Variants in LMF1 observed in about 807,000 individuals in gnomAD.
LMF1 encodes the protein transmembrane protein 112.
A neutral mutation model predicts 60.6 loss-of-function variants in LMF1; 68 were observed. The observed-to-expected ratio is 1.12, with a 90% confidence interval of 0.92 to 1.37. LMF1 has a LOEUF of 1.37. Among genes scored for constraint, LMF1 ranks in the 40% most tolerant of loss-of-function variants. The pLI, the probability that LMF1 is intolerant of heterozygous loss-of-function variation, is 0.00. For synonymous variants in LMF1, 418 were observed against 324.7 expected (o/e 1.29, Z -3.09); for missense variants, 948 against 767.2 (o/e 1.24, Z -2.78).
chr16:932,523 C>A (rs530030653), intron 3 of LMF1, among the ~76,000 whole-genome samples: 1 of 152,184 alleles, frequency 6.6e-6, no homozygotes, highest in Non-Finnish European at 1.5e-5. Flanking sequence ...GGTGTCAGGA[C>A]CTAAAGCTTT....
rs1350258084 is a variant in LMF1 at position 897,847 on chromosome 16, C to T, written c.664-4775G>A. 2.0e-5 allele frequency among the ~76,000 whole-genome samples: 3 copies of T among 152,224 alleles called. No homozygotes were observed. The highest frequency in any genetic ancestry group is 4.1e-4 in the South Asian group (2 of 4,832). On this transcript the variant is annotated intron_variant, in intron 4 of 10. Coordinates refer to ENST00000262301, the MANE Select transcript of LMF1 (RefSeq NM_022773.4). This position sits in a 1 kb window ranked among gnomAD's most constrained non-coding sequence, Gnocchi z 4.3. ...CTTTCCTGTCTTCCTGGGATGGTTT[C>T]CGCACTTTCTTGCCCTCATGCAAGA... is the stretch of plus-strand genomic sequence containing the variant.
chr16:923,952 TATG>T, intron 3 of LMF1, among the ~76,000 whole-genome samples: 1 of 152,208 alleles, frequency 6.6e-6, no homozygotes, highest in East Asian at 1.9e-4. Flanking sequence ...ATGAGTGAGA[TATG>T]ATCAGAGATG....
rs1052141144 is a variant in LMF1, at chr16:897,433, A to G, written c.664-4361T>C. 3.3e-5 allele frequency among the ~76,000 whole-genome samples: 5 copies of G among 152,132 alleles called. No homozygotes were observed. The highest frequency in any genetic ancestry group is 7.4e-5 in the Non-Finnish European group (5 of 68,016). On this transcript the variant is annotated intron_variant, in intron 4 of 10. Transcript: ENST00000262301. This position sits in a 1 kb window ranked among gnomAD's most constrained non-coding sequence, Gnocchi z 4.3. ...GCGCCGCCAGGCCTCCCTCCGAGCC[A>G]CAACCTCCTCCATCCTTCTGGCGTT...
At chr16:954,724 A>G in intron 1 of LMF1, 58 bp from the exon 2 acceptor site, 1 of 1,478,042 alleles carries the variant, frequency 6.8e-7, no homozygotes, top group Non-Finnish European at 9.1e-7. Flanking sequence ...TGTGGACACC[A>G]TGGGCGCAGC....
At chr16:887,885 T>C (rs922961640) in intron 5 of LMF1, among the ~76,000 whole-genome samples, 13 of 152,092 alleles carry the variant, frequency 8.5e-5, no homozygotes, top group African/African-American at 3.1e-4. Context: ...ACCCCCAAGT[T>C]GCAGGCTGCC....
At chr16:923,033 G>A (rs1477881913) in intron 3 of LMF1, among the ~76,000 whole-genome samples, 5 of 127,392 alleles carry the variant, frequency 3.9e-5, no homozygotes, top group Non-Finnish European at 6.5e-5. Flanking sequence ...AAGGCCCTGT[G>A]TGAAGGTCGC....
rs779769803 is a variant in LMF1, at chr16:854,544, G to A, written c.1692C>T (p.Pro564=). The A allele has an allele frequency of 1.7e-5, 28 of 1,607,488 alleles. No individual in the cohort carries two copies. The highest frequency in any genetic ancestry group is 1.5e-4 in the African/African-American group (11 of 74,864). ...PYFRDRGWPL[P]GPL is the part of the protein sequence containing the mutation. Reference sequence around the variant, plus strand: ...TTCTGGTGCACGTCTAGAGGGGCCCGGGCAGAGGCCACCCACGGTCCCTGA... The same window carrying A: ...TTCTGGTGCACGTCTAGAGGGGCCCAGGCAGAGGCCACCCACGGTCCCTGA... The change falls in exon 11 of 11, where the codon CCC becomes CCT. Residue 564 remains proline (P), a synonymous_variant. Transcript: ENST00000262301.
chr16:939,847 G>C (rs1422736494), intron 2 of LMF1, among the ~76,000 whole-genome samples: 1 of 152,212 alleles, frequency 6.6e-6, no homozygotes, highest in Non-Finnish European at 1.5e-5. Context: ...ACCTTTATTA[G>C]AGAGAAGCCC....
Position 917,647 on chromosome 16 carries a change from G to A in LMF1, c.515-6568C>T, listed in dbSNP as rs573064431. Among the ~76,000 whole-genome samples the A allele has an allele frequency of 1.1e-4, 17 of 152,346 alleles. No homozygotes were observed. In the South Asian group the frequency reaches 2.9e-3, roughly 26 times the overall value. On this transcript the variant is annotated intron_variant, in intron 3 of 10. Transcript: ENST00000262301. ...TCACTGGAGATGACCAGGCAGGGCT[G>A]CCCTCCCCTAAGAGACATGCCTGCC...
chr16:862,862 AAAAT>A lies in LMF1; in HGVS notation c.1529+6078_1529+6081del, dbSNP rs879700283. On this transcript the variant is annotated intron_variant, in intron 10 of 10. Coordinates refer to ENST00000262301, the MANE Select transcript of LMF1 (RefSeq NM_022773.4). ...GACAGAGAGTGAGAACCTGTCTCAAAAAATAAATAAATAAATAAATAAAACGTAA... is the reference window on the plus strand; with the variant it reads ...GACAGAGAGTGAGAACCTGTCTCAAAAAATAAATAAATAAATAAAACGTAA... Among the ~76,000 whole-genome samples, 111 of 152,302 alleles carry A rather than the reference AAAAT, an allele frequency of 7.3e-4. No homozygotes were observed. The East Asian group carries it at 9.5e-3, about 13-fold the overall frequency.
intron 3 of LMF1, 144 bp downstream of exon 3, chr16:934,100 G>A (rs755687443): frequency 1.1e-5 from 17 of 1,539,942 alleles, no homozygotes; most frequent in South Asian, 3.5e-5. Context: ...GATCACAAGC[G>A]CCCATCACTG....
At chr16:975,841 G>A (rs554922173), upstream of LMF1, 10 of 454,158 alleles carry the variant, frequency 2.2e-5, no homozygotes, top group East Asian at 2.1e-4. Context: ...GGGGAGGTCA[G>A]GGCCTGGGCG....
intron 2 of LMF1, chr16:947,297 CAG>C (rs2072260795): frequency 2.8e-6 from 1 of 363,508 alleles, no homozygotes; most frequent in African/African-American, 2.1e-5. Context: ...AACACAGAGA[CAG>C]AGGCTGCAGC....
rs1051077830 is a variant in LMF1, at chr16:962,605, G to A, written c.194-7939C>T. Among the ~76,000 whole-genome samples the A allele has an allele frequency of 1.3e-5, 2 of 152,198 alleles. No homozygotes were observed. Among genetic ancestry groups the A allele is most frequent in the African/African-American group, 2.4e-5 (1 of 41,452 alleles). ...ACCCATCACCCAGTCTAATTGCGAG[G>A]AAACACCAGACGGACCCAACGTGAG... On this transcript the variant is annotated intron_variant, in intron 1 of 10. Coordinates refer to ENST00000262301, the MANE Select transcript of LMF1 (RefSeq NM_022773.4). The surrounding 1 kb of genome is among the most constrained non-coding windows in gnomAD (Gnocchi z 4.5).
intron 3 of LMF1, among the ~76,000 whole-genome samples, chr16:927,077 A>G (rs2071631635): frequency 6.6e-6 from 1 of 152,170 alleles, no homozygotes. Context: ...AGAGGCCTCC[A>G]GAGATGGAGC....
chr16:971,526 CCCAG>C (rs2073051754), upstream of LMF1, among the ~76,000 whole-genome samples: 2 of 152,114 alleles, frequency 1.3e-5, no homozygotes, highest in African/African-American at 4.8e-5. Context: ...TCCCCTTTCT[CCCAG>C]CCTGAGCACC....
chr16:979,123 A>T (rs759204995), intron 1 of LMF1: 26 of 453,008 alleles, frequency 5.7e-5, no homozygotes, highest in Admixed American at 4.7e-5. Context: ...GGCACACAGC[A>T]AGTGCTTAAT....
At position 871,355 on chromosome 16, in the gene LMF1, G is replaced by T; in HGVS notation, c.898-14C>A. ...GATGAGGACGGCCTGTGGAGACGCC[G>T]CAGCTGAGTCTCGTGCAGGGGCTCG... On this transcript the variant is annotated splice_polypyrimidine_tract_variant and intron_variant, in intron 6 of 10. Transcript: ENST00000262301. The T allele has an allele frequency of 6.2e-7, 1 of 1,610,924 alleles. No homozygotes were observed. The highest frequency in any genetic ancestry group is 1.7e-5 in the Admixed American group (1 of 59,966).
At chr16:910,597 C>CA (rs1307828175) in intron 4 of LMF1, among the ~76,000 whole-genome samples, 1 of 152,064 alleles carries the variant, frequency 6.6e-6, no homozygotes, top group Non-Finnish European at 1.5e-5. Context: ...CTCCGGGAAG[C>CA]AAAGGAGGGC....
Sources: gnomAD v4.1 joint callset for allele counts (sites outside exome capture counted in the v4.1 genomes callset) on GRCh38, gnomAD v4.1.1 for gene constraint, Gnocchi (gnomAD v3.1) non-coding constraint, MANE v1.5 for transcripts, NCBI Gene and HGNC (gene_info 2026-07-23, HGNC 2026-07-21) for gene names.